Variants in SLC6A6 observed in about 807,000 individuals in gnomAD.
SLC6A6 encodes solute carrier family 6 member 6, also known as sodium- and chloride-dependent taurine transporter.
A neutral mutation model predicts 68.8 loss-of-function variants in SLC6A6; 16 were observed. The ratio of observed to expected loss-of-function variants is 0.23; its 90% CI spans 0.16 to 0.35. SLC6A6 has a LOEUF of 0.35. Ranked by LOEUF, SLC6A6 falls within the 10% of genes least tolerant of loss-of-function variation. The pLI, the probability that SLC6A6 is intolerant of heterozygous loss-of-function variation, is 1.00. For synonymous variants in SLC6A6, 312 were observed against 315.4 expected (o/e 0.99, Z 0.12); for missense variants, 474 against 802.8 (o/e 0.59, Z 4.95).
At chr3:14,470,575 A>C (rs969642189) in intron 9 of SLC6A6, among the ~76,000 whole-genome samples, 1 of 152,188 alleles carries the variant, frequency 6.6e-6, no homozygotes, top group African/African-American at 2.4e-5. Context: ...CGAATTGAGA[A>C]TCTTCACAAC....
chr3:14,454,390 C>A (rs964067776), intron 5 of SLC6A6, among the ~76,000 whole-genome samples: 1 of 152,078 alleles, frequency 6.6e-6, no homozygotes, highest in Admixed American at 6.5e-5. Context: ...TCCCTCGGCA[C>A]GACACTCTAC....
chr3:14,412,147 G>T (rs1208931320), intron 1 of SLC6A6, among the ~76,000 whole-genome samples: 1 of 152,166 alleles, frequency 6.6e-6, no homozygotes, highest in East Asian at 1.9e-4. Context: ...ACCACACGGG[G>T]TGCTGTTCCT....
At chr3:14,466,848 C>G (rs1449179497) in intron 7 of SLC6A6, among the ~76,000 whole-genome samples, 198 bp downstream of exon 7, 1 of 152,218 alleles carries the variant, frequency 6.6e-6, no homozygotes, top group Admixed American at 6.5e-5. Flanking sequence ...ATGGACCTTT[C>G]TAGCTGTGTG....
At chr3:14,425,875 T>C (rs1008042177) in intron 2 of SLC6A6, among the ~76,000 whole-genome samples, 2 of 152,300 alleles carry the variant, frequency 1.3e-5, no homozygotes. Flanking sequence ...GCTAAACATT[T>C]CTTCCCTAGC....
chr3:14,416,514 G>A (rs773054998), intron 2 of SLC6A6, 61 bp downstream of exon 2: 24 of 398,472 alleles, frequency 6.0e-5, no homozygotes, highest in Non-Finnish European at 7.5e-5. Flanking sequence ...GTGACCCAAG[G>A]TGGGGGGCTC....
chr3:14,407,691 G>A (rs1339550268), intron 1 of SLC6A6, among the ~76,000 whole-genome samples: 1 of 152,028 alleles, frequency 6.6e-6, no homozygotes, highest in Non-Finnish European at 1.5e-5. Context: ...ATTTCTTGTA[G>A]AGACAGGGTT....
In SLC6A6 at chr3:14,481,623, C is replaced by A. The variant is rs771809078; in HGVS notation, c.1552-48C>A. 6.1e-6 allele frequency: 8 copies of A among 1,318,892 alleles called. No homozygotes were observed. Among genetic ancestry groups the A allele is most frequent in the Non-Finnish European group, 8.6e-6 (8 of 931,946 alleles). The allele number at this position is 1,318,892 out of a possible 1,614,324, so 81.7% of individuals were successfully genotyped here. A position where few individuals can be genotyped will look rare whatever the true frequency, so the allele number is the denominator to read the frequency against. On this transcript the variant is annotated intron_variant, in intron 13 of 14. Coordinates refer to ENST00000622186, the MANE Select transcript of SLC6A6 (RefSeq NM_003043.6). The surrounding 1 kb of genome is among the most constrained non-coding windows in gnomAD (Gnocchi z 4.7). Reference sequence around the variant, plus strand: ...AGTCCTAGTCCCAGAAGCCCCCCACCCCCCGATGCCCAGGACCCCTCTCCT... The same window carrying A: ...AGTCCTAGTCCCAGAAGCCCCCCACACCCCGATGCCCAGGACCCCTCTCCT...
chr3:14,475,093 G>A (rs1302659613), intron 10 of SLC6A6, among the ~76,000 whole-genome samples: 5 of 152,196 alleles, frequency 3.3e-5, no homozygotes, highest in African/African-American at 7.2e-5. Flanking sequence ...GTGCAGTGGC[G>A]CAGCCTTGGC....
chr3:14,424,089 A>G (rs561700146), intron 2 of SLC6A6, among the ~76,000 whole-genome samples: 1 of 152,196 alleles, frequency 6.6e-6, no homozygotes, highest in Non-Finnish European at 1.5e-5. Context: ...AGCTCTGCCT[A>G]GTACTGGAAA....
rs576174099 is a variant in SLC6A6 at position 14,443,803 on chromosome 3, G to A, written c.169G>A (p.Gly57Ser). ...KIDFVLSVAG[G>S]FVGLGNVWRF... ...CGACTTTGTGCTCTCTGTGGCTGGC[G>A]GCTTCGTGGGCTTGGGCAACGTCTG... is the stretch of plus-strand genomic sequence containing the variant. The change falls in exon 3 of 15, where the codon GGC (glycine) becomes AGC (serine). Residue 57 changes from glycine (G) to serine (S), a missense_variant. Around this residue, in one of 2 missense-constraint regions of SLC6A6, gnomAD observed 280 missense variants for 533.1 expected, o/e 0.53. Transcript: ENST00000622186. 12 of 1,614,166 alleles carry A rather than the reference G, an allele frequency of 7.4e-6. No homozygotes were observed. The South Asian group carries it at 7.7e-5, about 10-fold the overall frequency.
At chr3:14,482,404 C>T (rs887464684) in intron 14 of SLC6A6, among the ~76,000 whole-genome samples, 2 of 152,250 alleles carry the variant, frequency 1.3e-5, no homozygotes, top group African/African-American at 4.8e-5. Flanking sequence ...CCTGGCCCCA[C>T]CTACCTTCAG....
chr3:14,443,932 C>G, intron 3 of SLC6A6, 69 bp downstream of exon 3: 1 of 1,139,336 alleles, frequency 8.8e-7, no homozygotes, highest in Non-Finnish European at 1.3e-6. Context: ...AGGCTGGGAC[C>G]AGAGCGTGGG....
At chr3:14,484,466 C>A (rs1451165024) in intron 14 of SLC6A6, among the ~76,000 whole-genome samples, 1 of 152,132 alleles carries the variant, frequency 6.6e-6, no homozygotes, top group Non-Finnish European at 1.5e-5. Flanking sequence ...GACAGTTGTC[C>A]AACTCAGGGC....
intron 2 of SLC6A6, among the ~76,000 whole-genome samples, chr3:14,433,198 C>T (rs1020710800): frequency 1.3e-5 from 2 of 152,198 alleles, no homozygotes; most frequent in African/African-American, 2.4e-5. Context: ...CTTTTGTTCC[C>T]TCCCGCCACC....
chr3:14,414,620 G>A (rs1699324307), intron 1 of SLC6A6, among the ~76,000 whole-genome samples: 1 of 152,040 alleles, frequency 6.6e-6, no homozygotes, highest in South Asian at 2.1e-4. Context: ...CAAACTTCTG[G>A]GCTCAAGCAG....
Position 14,484,932 on chromosome 3 carries a change from A to G in SLC6A6, c.1788A>G (p.Thr596=). Residue 596 remains threonine, a synonymous_variant, in exon 15 of 15, where the codon ACA becomes ACG. Coordinates refer to ENST00000622186, the MANE Select transcript of SLC6A6 (RefSeq NM_003043.6). ...NRWAVEREGA[T]PYNSRTVMNG... is the part of the protein sequence containing the mutation. ...GGGCTGTGGAGCGCGAGGGAGCCACACCTTACAACTCTCGCACCGTCATGA... is the reference window on the plus strand; with the variant it reads ...GGGCTGTGGAGCGCGAGGGAGCCACGCCTTACAACTCTCGCACCGTCATGA... 6.2e-7 allele frequency: 1 copy of G among 1,612,654 alleles called. No individual in the cohort carries two copies. The highest frequency in any genetic ancestry group is 2.0e-4 in the Middle Eastern group (1 of 5,098).
chr3:14,477,207 TGTTGAA>T lies in SLC6A6; in HGVS notation c.1220_1225del (p.Val407_Glu408del). The T allele has an allele frequency of 6.2e-7, 1 of 1,610,986 alleles. No individual in the cohort carries two copies. Among genetic ancestry groups the T allele is most frequent in the Non-Finnish European group, 8.5e-7 (1 of 1,177,948 alleles). ...GCTCTCTCTCTTCCCCTCCTCAGTT[TGTTGAA>T]GTTGAAGGACAGATCACATCCTTGG... On this transcript the variant is annotated inframe_deletion, in exon 11 of 15. Coordinates refer to ENST00000622186, the MANE Select transcript of SLC6A6 (RefSeq NM_003043.6). This position sits in a 1 kb window ranked among gnomAD's most constrained non-coding sequence, Gnocchi z 4.2.
intron 12 of SLC6A6, 31 bp from the exon 13 acceptor site, chr3:14,479,054 G>A (rs1181672596): frequency 3.4e-5 from 50 of 1,466,290 alleles, no homozygotes; most frequent in Non-Finnish European, 4.7e-5. Flanking sequence ...TGAACGCTGT[G>A]TCAGAAAATG....
chr3:14,441,466 C>T (rs1344482622), intron 2 of SLC6A6, among the ~76,000 whole-genome samples: 1 of 152,156 alleles, frequency 6.6e-6, no homozygotes, highest in Non-Finnish European at 1.5e-5. Flanking sequence ...AAAGGCGGCG[C>T]GGATGCTCTG....
Sources: allele counts gnomAD v4.1 joint callset (sites outside exome capture counted in the v4.1 genomes callset), GRCh38; gene constraint gnomAD v4.1.1; regional missense constraint gnomAD v4.1.1; non-coding constraint Gnocchi (gnomAD v3.1); transcripts MANE v1.5; gene names NCBI Gene and HGNC (gene_info 2026-07-23, HGNC 2026-07-21).